The following MYMX variants were observed in gnomAD, a reference collection of about 807,000 sequenced individuals.
MYMX encodes myomixer, myoblast fusion factor.
At chr6:44,209,015 G>C in the MYMX span, among the ~76,000 whole-genome samples, 3 of 152,234 alleles carry the variant, frequency 2.0e-5, no homozygotes, top group Admixed American at 6.5e-5. Context: ...CCAGGCAGGA[G>C]TGCAGTGGCA....
chr6:44,209,117 C>G, the MYMX span, among the ~76,000 whole-genome samples: 1 of 152,152 alleles, frequency 6.6e-6, no homozygotes. Context: ...GCGCATGCTG[C>G]CACACCCAGC....
At chr6:44,206,006 A>AC in the MYMX span, among the ~76,000 whole-genome samples, 1 of 148,038 alleles carries the variant, frequency 6.8e-6, no homozygotes. Context: ...AACAAAAAAA[A>AC]ACCTCATTTT....
chr6:44,202,096 C>T, the MYMX span, among the ~76,000 whole-genome samples: 25 of 152,130 alleles, frequency 1.6e-4, no homozygotes, highest in Non-Finnish European at 3.1e-4. Flanking sequence ...GCAGGACTCT[C>T]GGTGCCCGTG....
chr6:44,200,110 G>A, the MYMX span, among the ~76,000 whole-genome samples: 13 of 152,020 alleles, frequency 8.6e-5, no homozygotes, highest in Non-Finnish European at 1.9e-4. Context: ...CAAGGCTACA[G>A]TGAGCTATGA....
chr6:44,210,141 T>A, the MYMX span: 2 of 151,512 alleles, frequency 1.3e-5, no homozygotes, highest in African/African-American at 4.8e-5. Flanking sequence ...GAGACGGGGT[T>A]TCACCGTGTT....
At chr6:44,196,619 C>T in the MYMX span, among the ~76,000 whole-genome samples, 1 of 152,074 alleles carries the variant, frequency 6.6e-6, no homozygotes, top group Non-Finnish European at 1.5e-5. Flanking sequence ...GCGGAATTTG[C>T]GTTACTGTAC....
At chr6:44,201,420 C>T in the MYMX span, among the ~76,000 whole-genome samples, 1 of 152,216 alleles carries the variant, frequency 6.6e-6, no homozygotes, top group East Asian at 1.9e-4. Flanking sequence ...GATGAGGCCT[C>T]CCTGGCTCCT....
the MYMX span, among the ~76,000 whole-genome samples, chr6:44,211,121 CAAGT>C: frequency 1.3e-5 from 2 of 152,100 alleles, no homozygotes; most frequent in Non-Finnish European, 2.9e-5. Context: ...AATAAACAAA[CAAGT>C]AAATAAAAGC....
chr6:44,200,864 G>C, the MYMX span, among the ~76,000 whole-genome samples: 1 of 152,098 alleles, frequency 6.6e-6, no homozygotes, highest in South Asian at 2.1e-4. Context: ...AGTGGGGGGT[G>C]GGGGGCAGTG....
rs1046375437 is a variant in MYMX at position 44,217,584 on chromosome 6, G to A, written c.113G>A (p.Arg38His). The change falls in exon 2 of 2, where the codon CGC becomes CAC. Residue 38 changes from arginine (R) to histidine (H), a missense_variant. Coordinates refer to ENST00000573382, the MANE Select transcript of MYMX (RefSeq NM_001315494.2). The stretch of plus-strand genomic sequence containing the variant: ...CTGCCCCTGCTGCGCCGATTGGCCC[G>A]CCGCCTGGGCTCCCAGGACATGCGA... The part of the protein sequence containing the change: ...YLLPLLRRLA[R>H]RLGSQDMREA... The A allele has an allele frequency of 2.0e-5, 8 of 401,932 alleles. No individual in the cohort carries two copies. Among genetic ancestry groups the A allele is most frequent in the South Asian group, 1.2e-4 (1 of 8,052 alleles). 24.9% of individuals were successfully genotyped at this position (401,932 alleles called of 1,614,324 possible). A position where few individuals can be genotyped will look rare whatever the true frequency, so the allele number is the denominator to read the frequency against.
At chr6:44,196,125 T>C in the MYMX span, among the ~76,000 whole-genome samples, 1 of 152,114 alleles carries the variant, frequency 6.6e-6, no homozygotes, top group African/African-American at 2.4e-5. Context: ...GTATTTTTAG[T>C]AGAGACAGGG....
At chr6:44,213,158 G>A (rs1454897178), upstream of MYMX, among the ~76,000 whole-genome samples, 2 of 152,016 alleles carry the variant, frequency 1.3e-5, no homozygotes, top group Non-Finnish European at 2.9e-5. Flanking sequence ...GGTGGAGGTG[G>A]GTGGATCACG....
At chr6:44,209,226 A>C in the MYMX span, among the ~76,000 whole-genome samples, 1 of 152,118 alleles carries the variant, frequency 6.6e-6, no homozygotes, top group African/African-American at 2.4e-5. Flanking sequence ...AGCCTCCCAA[A>C]GTGCTGGGAT....
At chr6:44,216,846 C>T (rs1394614947), upstream of MYMX, 1 of 152,422 alleles carries the variant, frequency 6.6e-6, no homozygotes, top group Non-Finnish European at 1.5e-5. Flanking sequence ...GTTCCCCAAC[C>T]CAGGCGGACT....
chr6:44,215,980 A>G (rs1322865426), upstream of MYMX, among the ~76,000 whole-genome samples: 1 of 152,264 alleles, frequency 6.6e-6, no homozygotes, highest in Non-Finnish European at 1.5e-5. Context: ...CAGCTATCTC[A>G]TAGAATTTCA....
the MYMX span, among the ~76,000 whole-genome samples, chr6:44,204,525 A>G: frequency 2.6e-5 from 4 of 152,332 alleles, no homozygotes; most frequent in South Asian, 8.3e-4. Flanking sequence ...AACTGTAGAC[A>G]TGGGAGTTGC....
At chr6:44,213,454 C>T (rs1775705920), upstream of MYMX, among the ~76,000 whole-genome samples, 1 of 143,160 alleles carries the variant, frequency 7.0e-6, no homozygotes, top group Non-Finnish European at 1.5e-5. Flanking sequence ...CGGAGTCTCG[C>T]TCTGTCACCC....
the MYMX span, among the ~76,000 whole-genome samples, chr6:44,199,629 C>CA: frequency 2.4e-4 from 37 of 151,932 alleles, no homozygotes; most frequent in East Asian, 7.0e-3. Context: ...ACAAAAAACA[C>CA]AGATTGGTGG....
the MYMX span, among the ~76,000 whole-genome samples, chr6:44,200,337 C>G: frequency 6.6e-6 from 1 of 151,734 alleles, no homozygotes; most frequent in African/African-American, 2.4e-5. Flanking sequence ...TATTTTTAGA[C>G]AGAGTCTTGC....
Sources: allele counts gnomAD v4.1 joint callset (sites outside exome capture counted in the v4.1 genomes callset), GRCh38; gene constraint gnomAD v4.1.1; transcripts MANE v1.5; gene names NCBI Gene and HGNC (gene_info 2026-07-23, HGNC 2026-07-21).